The following PTPRD variants were observed in gnomAD, a reference collection of about 807,000 sequenced individuals.
The protein encoded by PTPRD is receptor-type tyrosine-protein phosphatase delta.
Under a neutral mutation model 214.5 loss-of-function variants are expected in PTPRD, and 34 were observed. That is an observed-to-expected ratio of 0.16 (90% CI 0.12 to 0.21). PTPRD has a LOEUF of 0.21. PTPRD is among the 10% of genes least tolerant of loss of function. The pLI, the probability that PTPRD is intolerant of heterozygous loss-of-function variation, is 1.00. For synonymous variants in PTPRD, 1,128 were observed against 845.7 expected, an observed-to-expected ratio of 1.33 and a Z score of -5.79; for missense variants, 2,545 against 2,398.7, an observed-to-expected ratio of 1.06 and a Z score of -1.27.
At chr9:8,594,408 G>C (rs1028349370) in intron 14 of PTPRD, among the ~76,000 whole-genome samples, 1 of 152,078 alleles carries the variant, frequency 6.6e-6, no homozygotes, top group African/African-American at 2.4e-5. Flanking sequence ...AAAATGTTTG[G>C]CACAAACATC....
intron 9 of PTPRD, among the ~76,000 whole-genome samples, chr9:9,258,354 G>C (rs1387366055): frequency 6.6e-6 from 1 of 151,744 alleles, no homozygotes; most frequent in Non-Finnish European, 1.5e-5. Flanking sequence ...CACATTTAGA[G>C]CTGGCTATTA....
chr9:9,569,457 T>G (rs1344828822), intron 8 of PTPRD, among the ~76,000 whole-genome samples: 1 of 151,778 alleles, frequency 6.6e-6, no homozygotes, highest in Non-Finnish European at 1.5e-5. Flanking sequence ...TGAATTCTGC[T>G]CAGCTTTACA....
chr9:9,509,803 T>TAAA (rs35950370), intron 8 of PTPRD, among the ~76,000 whole-genome samples: 4 of 149,338 alleles, frequency 2.7e-5, no homozygotes, highest in South Asian at 2.1e-4. Context: ...CCTTTTTATT[T>TAAA]AAAAAAAAAA....
intron 4 of PTPRD, among the ~76,000 whole-genome samples, chr9:9,956,702 G>C (rs2093957460): frequency 6.6e-6 from 1 of 151,980 alleles, no homozygotes; most frequent in Admixed American, 6.6e-5. Context: ...TGAGACAAGG[G>C]AATGGCCCAT....
At chr9:10,250,617 T>C (rs2092680170) in intron 3 of PTPRD, among the ~76,000 whole-genome samples, 2 of 152,052 alleles carry the variant, frequency 1.3e-5, no homozygotes, top group African/African-American at 4.8e-5. Flanking sequence ...GAACACAAAA[T>C]ATTTTAGTTA....
intron 3 of PTPRD, among the ~76,000 whole-genome samples, chr9:10,127,221 C>A (rs1395106004): frequency 6.6e-6 from 1 of 152,136 alleles, no homozygotes; most frequent in East Asian, 1.9e-4. Flanking sequence ...ACCACTGACA[C>A]AAACGGTGCC....
At chr9:8,318,702 T>G (rs1471803539) in intron 45 of PTPRD, among the ~76,000 whole-genome samples, 1 of 152,032 alleles carries the variant, frequency 6.6e-6, no homozygotes, top group Non-Finnish European at 1.5e-5. Context: ...TGATTGCTAG[T>G]TGTCTGTTTT....
intron 2 of PTPRD, among the ~76,000 whole-genome samples, chr9:10,416,453 T>G (rs1587728177): frequency 6.6e-6 from 1 of 151,422 alleles, no homozygotes; most frequent in Non-Finnish European, 1.5e-5. Flanking sequence ...AAGAAATAAT[T>G]TGAAAGAAGT....
chr9:8,517,196 C>T (rs776084419), intron 21 of PTPRD, among the ~76,000 whole-genome samples: 56 of 151,540 alleles, frequency 3.7e-4, no homozygotes, highest in Admixed American at 2.6e-4. Context: ...GGTTTGATAA[C>T]CTCTTAGAAA....
chr9:10,318,389 A>C (rs1339064402), intron 3 of PTPRD, among the ~76,000 whole-genome samples: 1 of 151,846 alleles, frequency 6.6e-6, no homozygotes, highest in Non-Finnish European at 1.5e-5. Flanking sequence ...TAGTTACTTC[A>C]CCTCCAGGTG....
intron 11 of PTPRD, among the ~76,000 whole-genome samples, chr9:8,855,694 C>T (rs1006032046): frequency 2.4e-4 from 37 of 152,066 alleles, no homozygotes; most frequent in African/African-American, 7.5e-4. Flanking sequence ...AAAATCTAAA[C>T]GTATTTCCCA....
intron 11 of PTPRD, among the ~76,000 whole-genome samples, chr9:8,989,803 A>G (rs2099359350): frequency 6.6e-6 from 1 of 152,168 alleles, no homozygotes; most frequent in South Asian, 2.1e-4. Context: ...CCTAAGAATT[A>G]AGAGGCACAG....
At position 9,601,480 on chromosome 9, in the gene PTPRD, A is replaced by T. The variant is rs2093765836; in HGVS notation, c.-286-26699T>A. On this transcript the variant is annotated intron_variant, in intron 7 of 45. Coordinates refer to ENST00000381196, the MANE Select transcript of PTPRD (RefSeq NM_002839.4). Reference sequence around the variant, plus strand: ...ATAAACAATACATGATTAGAGCCAGATCATAGATAGAGTCACTGCTGCATC... The same window carrying T: ...ATAAACAATACATGATTAGAGCCAGTTCATAGATAGAGTCACTGCTGCATC... Among the ~76,000 whole-genome samples, 3 of 152,128 alleles carry T rather than the reference A, an allele frequency of 2.0e-5. No individual in the cohort carries two copies. The South Asian group carries it at 6.2e-4, about 31-fold the overall frequency.
chr9:9,442,604 C>A (rs2088536205), intron 8 of PTPRD, among the ~76,000 whole-genome samples: 1 of 152,060 alleles, frequency 6.6e-6, no homozygotes, highest in Admixed American at 6.6e-5. Flanking sequence ...AGTTAGAGAA[C>A]AAAATAGCTG....
chr9:9,954,827 T>C (rs186180856), intron 4 of PTPRD, among the ~76,000 whole-genome samples: 2 of 152,284 alleles, frequency 1.3e-5, no homozygotes, highest in Admixed American at 6.5e-5. Flanking sequence ...AGAATTTTCC[T>C]TCAAATGGCT....
chr9:8,963,802 T>TG (rs1177240655), intron 11 of PTPRD, among the ~76,000 whole-genome samples: 1 of 151,938 alleles, frequency 6.6e-6, no homozygotes, highest in Non-Finnish European at 1.5e-5. Flanking sequence ...TTTGTAGAGA[T>TG]GGGGTCTTCC....
chr9:9,917,414 ACTACACTCC>A, intron 5 of PTPRD, among the ~76,000 whole-genome samples: 1 of 148,790 alleles, frequency 6.7e-6, no homozygotes, highest in Non-Finnish European at 1.5e-5. Flanking sequence ...ACCATGAACA[ACTACACTCC>A]AATACATTTT....
chr9:9,936,440 A>G (rs1173524311), intron 5 of PTPRD, among the ~76,000 whole-genome samples: 2 of 151,722 alleles, frequency 1.3e-5, no homozygotes, highest in African/African-American at 4.9e-5. Flanking sequence ...TTCTCAAAAG[A>G]AGACATTTAT....
chr9:8,953,744 A>G (rs993280068), intron 11 of PTPRD, among the ~76,000 whole-genome samples: 1 of 152,112 alleles, frequency 6.6e-6, no homozygotes, highest in Non-Finnish European at 1.5e-5. Context: ...AACATATGAA[A>G]AAATGTTCCA....
Sources: allele counts gnomAD v4.1 joint callset (sites outside exome capture counted in the v4.1 genomes callset), GRCh38; gene constraint gnomAD v4.1.1; transcripts MANE v1.5; gene names NCBI Gene and HGNC (gene_info 2026-07-23, HGNC 2026-07-21).